The following TRAPPC9 variants were observed in gnomAD, a reference collection of about 807,000 sequenced individuals.
The protein encoded by TRAPPC9 is IKK2 binding protein.
TRAPPC9 carries 83 observed loss-of-function variants against 124.0 expected under a neutral mutation model. The ratio of observed to expected loss-of-function variants is 0.67; its 90% CI spans 0.56 to 0.80. TRAPPC9 has a LOEUF of 0.80. TRAPPC9 is among the 30% of genes least tolerant of loss of function. The probability of loss-of-function intolerance (pLI) is 0.00; values close to 1 mark genes in which losing one functional copy is unlikely to be tolerated. For missense variants in TRAPPC9, 1,302 were observed against 1,508.3 expected (o/e 0.86, Z 2.27); for synonymous variants, 638 against 617.5 (o/e 1.03, Z -0.49).
rs188196077 is a variant in TRAPPC9, at chr8:140,360,396, G to A, written c.1352-203C>T. The stretch of plus-strand genomic sequence containing the variant: ...CATGGTTTTCATACAGCAAAAACAG[G>A]CATTACACTATAGCTTCTCTCTCTG... On this transcript the variant is annotated intron_variant, in intron 8 of 22. Coordinates refer to ENST00000438773, the MANE Select transcript of TRAPPC9 (RefSeq NM_001160372.4). 2.0e-4 allele frequency among the ~76,000 whole-genome samples: 31 copies of A among 152,260 alleles called. No individual in the cohort carries two copies. In the East Asian group the frequency reaches 4.6e-3, roughly 23 times the overall value.
chr8:140,324,355 A>C (rs1193065498), intron 9 of TRAPPC9, among the ~76,000 whole-genome samples: 6 of 152,236 alleles, frequency 3.9e-5, no homozygotes, highest in African/African-American at 1.2e-4. Flanking sequence ...GAGATACAAT[A>C]CTAAATTTGT....
chr8:140,417,658 C>T (rs1316206178), intron 5 of TRAPPC9, among the ~76,000 whole-genome samples: 1 of 152,170 alleles, frequency 6.6e-6, no homozygotes, highest in African/African-American at 2.4e-5. Context: ...TGTAGCGATT[C>T]CTCAAGGATC....
chr8:139,915,599 C>T (rs1832072743), intron 19 of TRAPPC9, among the ~76,000 whole-genome samples: 1 of 152,184 alleles, frequency 6.6e-6, no homozygotes, highest in African/African-American at 2.4e-5. Context: ...AGGCGTATTA[C>T]CCGCTGTTCG....
chr8:139,976,901 G>A (rs1171093094), intron 19 of TRAPPC9, among the ~76,000 whole-genome samples: 1 of 152,182 alleles, frequency 6.6e-6, no homozygotes. Flanking sequence ...GGGAGACACA[G>A]GGTCCCCGAG....
In TRAPPC9 at chr8:139,794,046, C is replaced by T. The variant is rs573988330; in HGVS notation, c.3056-61844G>A. Reference sequence around the variant, plus strand: ...CCCCTGCAGGTCTCTTGGGAGAGGCCTCCCCTGCTGACCCCCTTCCTGCCC... The same window carrying T: ...CCCCTGCAGGTCTCTTGGGAGAGGCTTCCCCTGCTGACCCCCTTCCTGCCC... On this transcript the variant is annotated intron_variant, in intron 21 of 22. Transcript: ENST00000438773. Among the ~76,000 whole-genome samples, 604 of 152,234 alleles carry T rather than the reference C, an allele frequency of 4.0e-3. 3 individuals are homozygous for T. The highest frequency in any genetic ancestry group is 0.013 in the African/African-American group (556 of 41,536).
chr8:139,762,010 G>A (rs890209855), intron 21 of TRAPPC9, among the ~76,000 whole-genome samples: 1 of 151,732 alleles, frequency 6.6e-6, no homozygotes, highest in Non-Finnish European at 1.5e-5. Context: ...ATCTATAGGT[G>A]TCCCTCTATA....
chr8:140,025,777 G>A (rs1483163354), intron 17 of TRAPPC9, among the ~76,000 whole-genome samples: 1 of 152,112 alleles, frequency 6.6e-6, no homozygotes, highest in Non-Finnish European at 1.5e-5. Context: ...GCTTAGAATC[G>A]GAGGAAATGA....
chr8:140,209,997 T>G (rs2063018849), intron 17 of TRAPPC9, among the ~76,000 whole-genome samples: 1 of 152,246 alleles, frequency 6.6e-6, no homozygotes. Flanking sequence ...AGCTGTTCAG[T>G]CATTTCCACT....
intron 21 of TRAPPC9, among the ~76,000 whole-genome samples, chr8:139,865,691 G>A (rs1423862428): frequency 2.6e-5 from 4 of 152,202 alleles, no homozygotes; most frequent in African/African-American, 9.6e-5. Flanking sequence ...AACTCAGCCT[G>A]AAGCCATGGG....
chr8:139,978,858 G>A (rs1416139310), intron 19 of TRAPPC9, among the ~76,000 whole-genome samples: 2 of 152,154 alleles, frequency 1.3e-5, no homozygotes, highest in Non-Finnish European at 2.9e-5. Context: ...GAGAACCAGT[G>A]GAGCTGGGAT....
chr8:139,870,795 T>C (rs1001811810), intron 21 of TRAPPC9, among the ~76,000 whole-genome samples: 2 of 152,224 alleles, frequency 1.3e-5, no homozygotes, highest in African/African-American at 4.8e-5. Context: ...TTGTACATCC[T>C]TTCTTACCTC....
intron 19 of TRAPPC9, among the ~76,000 whole-genome samples, chr8:139,954,817 GT>G: frequency 6.6e-6 from 1 of 152,278 alleles, no homozygotes; most frequent in African/African-American, 2.4e-5. Flanking sequence ...AAAGGCCAAT[GT>G]TGAGAATACA....
chr8:139,907,326 G>A lies in TRAPPC9; in HGVS notation c.2964+2821C>T, dbSNP rs999604052. 1.3e-5 allele frequency among the ~76,000 whole-genome samples: 2 copies of A among 152,086 alleles called. No homozygotes were observed. The highest frequency in any genetic ancestry group is 4.8e-5 in the African/African-American group (2 of 41,406). ...GTGGGCAACTGCTACAACTATGGAC[G>A]GGTATCAAATTAAGCTCAAATGTTT... On this transcript the variant is annotated intron_variant, in intron 20 of 22. Coordinates refer to ENST00000438773, the MANE Select transcript of TRAPPC9 (RefSeq NM_001160372.4). The surrounding 1 kb of genome is among the most constrained non-coding windows in gnomAD (Gnocchi z 4.7).
chr8:140,065,798 C>A (rs908100806), intron 17 of TRAPPC9, among the ~76,000 whole-genome samples: 2 of 152,204 alleles, frequency 1.3e-5, no homozygotes, highest in African/African-American at 2.4e-5. Context: ...TGGAGATGTA[C>A]AAGAAGGTGA....
At chr8:139,792,515 A>G (rs958253870) in intron 21 of TRAPPC9, among the ~76,000 whole-genome samples, 1 of 152,136 alleles carries the variant, frequency 6.6e-6, no homozygotes, top group African/African-American at 2.4e-5. Flanking sequence ...CACTGTTCCC[A>G]CTGAACGAAG....
intron 17 of TRAPPC9, among the ~76,000 whole-genome samples, chr8:140,121,032 G>A (rs891812752): frequency 1.3e-5 from 2 of 152,270 alleles, no homozygotes; most frequent in African/African-American, 2.4e-5. Flanking sequence ...AGAATACAGA[G>A]GTGAAATTTT....
intron 20 of TRAPPC9, among the ~76,000 whole-genome samples, chr8:139,890,862 T>G (rs1830295974): frequency 6.6e-6 from 1 of 151,438 alleles, no homozygotes; most frequent in South Asian, 2.1e-4. Context: ...ATAAAAAAAT[T>G]TAAAAATTTA....
chr8:140,086,545 T>G (rs1460783558), intron 17 of TRAPPC9, among the ~76,000 whole-genome samples: 1 of 152,124 alleles, frequency 6.6e-6, no homozygotes, highest in Non-Finnish European at 1.5e-5. Flanking sequence ...AGGCACCCCA[T>G]CCCGTCCTGC....
At chr8:140,090,519 A>G (rs528066839) in intron 17 of TRAPPC9, among the ~76,000 whole-genome samples, 1 of 152,340 alleles carries the variant, frequency 6.6e-6, no homozygotes, top group East Asian at 1.9e-4. Flanking sequence ...GCGTATTACC[A>G]AGAACCAGGT....
Sources: gnomAD v4.1 joint callset for allele counts (sites outside exome capture counted in the v4.1 genomes callset) on GRCh38, gnomAD v4.1.1 for gene constraint, Gnocchi (gnomAD v3.1) non-coding constraint, MANE v1.5 for transcripts, NCBI Gene and HGNC (gene_info 2026-07-23, HGNC 2026-07-21) for gene names.